IMMP2L: variants seen among roughly 807,000 people sequenced by gnomAD.
The protein encoded by IMMP2L is inner mitochondrial membrane peptidase subunit 2, also known as mitochondrial inner membrane protease subunit 2.
Under a neutral mutation model 19.3 loss-of-function variants are expected in IMMP2L, and 18 were observed. The observed-to-expected ratio is 0.93, with a 90% CI of 0.64 to 1.38. The LOEUF (loss-of-function observed/expected upper bound fraction) is 1.38, where lower values mean the gene tolerates loss of function less well. Ranked by LOEUF, IMMP2L falls within the 40% of genes most tolerant of loss-of-function variation. The pLI, the probability that IMMP2L is intolerant of heterozygous loss-of-function variation, is 0.00. For synonymous variants in IMMP2L, 76 were observed against 73.0 expected, an observed-to-expected ratio of 1.04 and a Z score of -0.21; for missense variants, 233 against 218.2, an observed-to-expected ratio of 1.07 and a Z score of -0.43.
intron 5 of IMMP2L, among the ~76,000 whole-genome samples, chr7:110,828,639 T>A (rs1803705852): frequency 6.6e-6 from 1 of 152,116 alleles, no homozygotes; most frequent in African/African-American, 2.4e-5. Context: ...AATGTATATG[T>A]CAAATGAAGA....
chr7:111,077,485 T>C (rs1380748129), intron 3 of IMMP2L, among the ~76,000 whole-genome samples: 1 of 152,214 alleles, frequency 6.6e-6, no homozygotes, highest in African/African-American at 2.4e-5. Context: ...GTCATATCCC[T>C]TATACACAAT....
intron 4 of IMMP2L, among the ~76,000 whole-genome samples, chr7:110,960,665 TG>T (rs1818836333): frequency 6.6e-6 from 1 of 151,568 alleles, no homozygotes; most frequent in Admixed American, 6.6e-5. Flanking sequence ...GATAGGCTCT[TG>T]AAAAAAAAAC....
intron 3 of IMMP2L, among the ~76,000 whole-genome samples, chr7:111,173,360 A>G (rs1053732772): frequency 6.6e-6 from 1 of 151,656 alleles, no homozygotes; most frequent in Non-Finnish European, 1.5e-5. Flanking sequence ...ATTAATTAAC[A>G]ATACACAATT....
chr7:111,289,224 C>T (rs538011745), intron 3 of IMMP2L, among the ~76,000 whole-genome samples: 97 of 151,120 alleles, frequency 6.4e-4, no homozygotes, highest in East Asian at 3.5e-3. Flanking sequence ...TCAATGAGAA[C>T]ACATGGACAC....
chr7:110,900,503 C>T (rs879896660), intron 4 of IMMP2L, among the ~76,000 whole-genome samples: 1 of 152,186 alleles, frequency 6.6e-6, no homozygotes, highest in Admixed American at 6.5e-5. Flanking sequence ...TGTCTCTCTT[C>T]TCCTCCATCT....
intron 3 of IMMP2L, among the ~76,000 whole-genome samples, chr7:111,275,158 TCA>T (rs1818885133): frequency 6.6e-6 from 1 of 152,128 alleles, no homozygotes; most frequent in Non-Finnish European, 1.5e-5. Flanking sequence ...GAGGATCTGC[TCA>T]CAGAGACAAG....
At chr7:110,674,853 C>T (rs1226724925) in intron 5 of IMMP2L, among the ~76,000 whole-genome samples, 1 of 152,146 alleles carries the variant, frequency 6.6e-6, no homozygotes, top group African/African-American at 2.4e-5. Flanking sequence ...CCATATCTAT[C>T]TGCCTGCTTC....
chr7:111,032,251 G>A (rs1222317873), intron 3 of IMMP2L, among the ~76,000 whole-genome samples: 1 of 152,014 alleles, frequency 6.6e-6, no homozygotes, highest in Non-Finnish European at 1.5e-5. Context: ...TGGACCATTA[G>A]TACTGGCAAA....
At chr7:111,052,828 T>G (rs1793122315) in intron 3 of IMMP2L, among the ~76,000 whole-genome samples, 1 of 152,146 alleles carries the variant, frequency 6.6e-6, no homozygotes, top group Non-Finnish European at 1.5e-5. Flanking sequence ...TATAGTGTGG[T>G]TTTCCCCTTC....
intron 3 of IMMP2L, among the ~76,000 whole-genome samples, chr7:111,345,462 T>C (rs534795290): frequency 1.3e-5 from 2 of 152,194 alleles, no homozygotes; most frequent in South Asian, 2.1e-4. Flanking sequence ...TTTAACACTT[T>C]GGGGAAATAT....
At chr7:111,531,274 T>C (rs1478536075) in intron 1 of IMMP2L, among the ~76,000 whole-genome samples, 1 of 151,750 alleles carries the variant, frequency 6.6e-6, no homozygotes, top group Non-Finnish European at 1.5e-5. Flanking sequence ...ATTTTTCTTG[T>C]TTTAGTTGTT....
chr7:111,216,882 G>A (rs1292683153), intron 3 of IMMP2L, among the ~76,000 whole-genome samples: 1 of 151,988 alleles, frequency 6.6e-6, no homozygotes, highest in Non-Finnish European at 1.5e-5. Context: ...TTGAAGTCTT[G>A]CAGTGGATAA....
intron 5 of IMMP2L, among the ~76,000 whole-genome samples, chr7:110,693,439 G>A (rs543882155): frequency 6.6e-5 from 10 of 152,084 alleles, no homozygotes; most frequent in Non-Finnish European, 1.3e-4. Context: ...TTTTCTCCAG[G>A]TGACACATTA....
intron 3 of IMMP2L, among the ~76,000 whole-genome samples, chr7:111,139,306 C>T (rs1802647067): frequency 6.6e-6 from 1 of 151,854 alleles, no homozygotes; most frequent in African/African-American, 2.4e-5. Flanking sequence ...TAACAAACTA[C>T]AAAAAACAGG....
rs1043187453 is a variant in IMMP2L, at chr7:111,504,889, T to C, written c.135+16424A>G. Among the ~76,000 whole-genome samples the C allele has an allele frequency of 5.1e-4, 78 of 151,996 alleles. 2 individuals carry two copies. In the East Asian group the frequency reaches 0.011, roughly 22 times the overall value. On this transcript the variant is annotated intron_variant, in intron 2 of 5. Transcript: ENST00000405709. ...AAACCCTAGAAGAAAACCTAGGCAA[T>C]ACCATTCAGGACATAGGCATGGGCA... is the stretch of plus-strand genomic sequence containing the variant.
chr7:111,550,831 T>C (rs1218392969), intron 1 of IMMP2L, among the ~76,000 whole-genome samples: 1 of 152,114 alleles, frequency 6.6e-6, no homozygotes, highest in Non-Finnish European at 1.5e-5. Context: ...GTCATCAGTA[T>C]ACTGAGTCCA....
At position 111,252,107 on chromosome 7, in the gene IMMP2L, T is replaced by C. The variant is rs143955084; in HGVS notation, c.239+235131A>G. Among the ~76,000 whole-genome samples, 9 of 152,102 alleles carry C rather than the reference T, an allele frequency of 5.9e-5. No individual in the cohort carries two copies. The East Asian group carries it at 1.7e-3, about 29-fold the overall frequency. On this transcript the variant is annotated intron_variant, in intron 3 of 5. Coordinates refer to ENST00000405709, the MANE Select transcript of IMMP2L (RefSeq NM_032549.4). ...TCTCTGAATATTACCAAATCATCACTTCTCAAAATAGGTCATTTGGGAGCA... is the reference window on the plus strand; with the variant it reads ...TCTCTGAATATTACCAAATCATCACCTCTCAAAATAGGTCATTTGGGAGCA...
chr7:111,212,049 T>C (rs983864015), intron 3 of IMMP2L, among the ~76,000 whole-genome samples: 2 of 152,128 alleles, frequency 1.3e-5, no homozygotes, highest in African/African-American at 4.8e-5. Context: ...CTTCTCTTTC[T>C]ATACTATAAA....
At chr7:111,122,464 T>C in intron 3 of IMMP2L, 1 of 239,028 alleles carries the variant, frequency 4.2e-6, no homozygotes, top group Admixed American at 5.1e-5. Flanking sequence ...GATTTAAATA[T>C]TTTACTTCTA....
Sources: allele counts gnomAD v4.1 joint callset (sites outside exome capture counted in the v4.1 genomes callset), GRCh38; gene constraint gnomAD v4.1.1; transcripts MANE v1.5; gene names NCBI Gene and HGNC (gene_info 2026-07-23, HGNC 2026-07-21).